FIGN: variants seen among roughly 807,000 people sequenced by gnomAD.
The protein encoded by FIGN is fidgetin.
In FIGN, 11 loss-of-function variants were observed where a neutral mutation model predicts 51.3. The ratio of observed to expected loss-of-function variants is 0.21; its 90% CI spans 0.13 to 0.35. The LOEUF (loss-of-function observed/expected upper bound fraction) is 0.35, where lower values mean the gene tolerates loss of function less well. Among genes scored for constraint, FIGN ranks in the 10% least tolerant of loss-of-function variants. FIGN has a pLI of 1.00. For missense variants in FIGN, 857 were observed against 943.6 expected, an observed-to-expected ratio of 0.91 and a Z score of 1.20; for synonymous variants, 407 against 363.2, an observed-to-expected ratio of 1.12 and a Z score of -1.37.
At chr2:163,627,163 G>C (rs1030790914) in intron 2 of FIGN, among the ~76,000 whole-genome samples, 2 of 152,026 alleles carry the variant, frequency 1.3e-5, no homozygotes, top group Non-Finnish European at 2.9e-5. Flanking sequence ...TAATAAACTT[G>C]CTTCCACTTT....
intron 2 of FIGN, among the ~76,000 whole-genome samples, chr2:163,699,177 A>T (rs1320307232): frequency 6.6e-6 from 1 of 152,202 alleles, no homozygotes; most frequent in Non-Finnish European, 1.5e-5. Context: ...TGTGAGCTTA[A>T]ATTTCACAAA....
chr2:163,733,086 CTACTT>C (rs1684957205), intron 2 of FIGN, among the ~76,000 whole-genome samples: 2 of 152,120 alleles, frequency 1.3e-5, no homozygotes, highest in Non-Finnish European at 2.9e-5. Flanking sequence ...ACACAAGTGT[CTACTT>C]TATATATATG....
At chr2:163,717,041 A>T (rs1559031168) in intron 2 of FIGN, among the ~76,000 whole-genome samples, 1 of 152,118 alleles carries the variant, frequency 6.6e-6, no homozygotes, top group Non-Finnish European at 1.5e-5. Context: ...CCTTAGAACT[A>T]TGTAATAATG....
chr2:163,705,071 T>C (rs1684477470), intron 2 of FIGN, among the ~76,000 whole-genome samples: 1 of 152,192 alleles, frequency 6.6e-6, no homozygotes. Flanking sequence ...ATAACACTTC[T>C]AAATGGATGT....
Position 163,603,465 on chromosome 2 carries a change from G to T in FIGN, c.*6087C>A, listed in dbSNP as rs1466616111. Reference sequence around the variant, plus strand: ...TTTTTTAAATTTCTGTCTCAGACAAGTACTGTTGGCTGACAAGAAATATGG... The same window carrying T: ...TTTTTTAAATTTCTGTCTCAGACAATTACTGTTGGCTGACAAGAAATATGG... On this transcript the variant is annotated 3_prime_UTR_variant, in exon 3 of 3. Transcript: ENST00000333129. The T allele has an allele frequency of 1.3e-5, 2 of 151,972 alleles. No homozygotes were observed. The highest frequency in any genetic ancestry group is 2.4e-5 in the African/African-American group (1 of 41,394). 9.4% of individuals were successfully genotyped at this position (151,972 alleles called of 1,614,324 possible).
chr2:163,623,462 C>T (rs902843478), intron 2 of FIGN, among the ~76,000 whole-genome samples: 3 of 152,114 alleles, frequency 2.0e-5, no homozygotes, highest in South Asian at 2.1e-4. Context: ...TTGGGAAGGT[C>T]TAGGTTTACA....
intron 2 of FIGN, among the ~76,000 whole-genome samples, chr2:163,618,529 C>A (rs1278137285): frequency 2.0e-5 from 3 of 151,828 alleles, no homozygotes; most frequent in Non-Finnish European, 4.4e-5. Flanking sequence ...CTGAGGGTAA[C>A]ATATACCCTG....
At chr2:163,649,822 T>G (rs1018447248) in intron 2 of FIGN, among the ~76,000 whole-genome samples, 3 of 152,226 alleles carry the variant, frequency 2.0e-5, no homozygotes, top group Non-Finnish European at 4.4e-5. Context: ...GATAAAATGT[T>G]AGTAACTGAA....
chr2:163,726,964 A>C (rs1386631532), intron 2 of FIGN, among the ~76,000 whole-genome samples: 3 of 152,090 alleles, frequency 2.0e-5, no homozygotes, highest in Admixed American at 1.3e-4. Flanking sequence ...TTCAATCTTA[A>C]GGGAACCTTT....
At chr2:163,623,797 T>A (rs1170635627) in intron 2 of FIGN, among the ~76,000 whole-genome samples, 1 of 152,152 alleles carries the variant, frequency 6.6e-6, no homozygotes, top group Non-Finnish European at 1.5e-5. Flanking sequence ...GTGCCCTCTG[T>A]TTATTTAGTG....
intron 2 of FIGN, among the ~76,000 whole-genome samples, chr2:163,727,793 C>T (rs1184633183): frequency 6.6e-6 from 1 of 152,128 alleles, no homozygotes; most frequent in African/African-American, 2.4e-5. Flanking sequence ...CTGGACATTC[C>T]ATCATATCTC....
intron 2 of FIGN, among the ~76,000 whole-genome samples, chr2:163,616,211 C>G (rs1573905124): frequency 3.3e-5 from 5 of 152,250 alleles, no homozygotes; most frequent in Admixed American, 3.3e-4. Context: ...TGCTCTTTAA[C>G]TAGTTTCGAA....
chr2:163,672,769 A>G (rs1479746457), intron 2 of FIGN, among the ~76,000 whole-genome samples: 1 of 152,202 alleles, frequency 6.6e-6, no homozygotes, highest in Non-Finnish European at 1.5e-5. Context: ...AGTCATATGT[A>G]TATTTTCTCT....
In FIGN at chr2:163,629,952, C is replaced by CTTTTTTTTTTTTT. The variant is rs71297448; in HGVS notation, c.26-18159_26-18147dup. 7.6e-4 allele frequency among the ~76,000 whole-genome samples: 43 copies of CTTTTTTTTTTTTT among 56,928 alleles called. 4 individuals are homozygous for CTTTTTTTTTTTTT. Among genetic ancestry groups the CTTTTTTTTTTTTT allele is most frequent in the African/African-American group, 3.2e-3 (43 of 13,352 alleles). The allele number at this position is 56,928 out of a possible 152,430, so 37.3% of individuals were successfully genotyped here. A position where few individuals can be genotyped will look rare whatever the true frequency, so the allele number is the denominator to read the frequency against. On this transcript the variant is annotated intron_variant, in intron 2 of 2. Transcript: ENST00000333129. ...CCAACATAGGGTGAAGAAAGGGGCA[C>CTTTTTTTTTTTTT]TTTTTTTTTTTTTTTTTTTTTTTTT...
chr2:163,645,487 A>G (rs1038095778), intron 2 of FIGN, among the ~76,000 whole-genome samples: 2 of 152,198 alleles, frequency 1.3e-5, no homozygotes, highest in African/African-American at 4.8e-5. Flanking sequence ...AGTAAATTAG[A>G]TAGGGAGAAA....
chr2:163,647,387 TCAAAGC>T (rs1683398776), intron 2 of FIGN, among the ~76,000 whole-genome samples: 1 of 152,170 alleles, frequency 6.6e-6, no homozygotes, highest in African/African-American at 2.4e-5. Flanking sequence ...TCTAATGGCA[TCAAAGC>T]ACCAAAGAAC....
chr2:163,646,955 C>T (rs1167629485), intron 2 of FIGN, among the ~76,000 whole-genome samples: 1 of 152,178 alleles, frequency 6.6e-6, no homozygotes, highest in African/African-American at 2.4e-5. Context: ...TAAACACTGC[C>T]ACAGTTACGG....
rs1558994598 is a variant in FIGN, at chr2:163,611,027, G to A, written c.805C>T (p.Pro269Ser). The A allele has an allele frequency of 6.2e-7, 1 of 1,613,858 alleles. No individual in the cohort carries two copies. The highest frequency in any genetic ancestry group is 1.6e-4 in the Middle Eastern group (1 of 6,062). ...GAAGGCAGGTACGCTGAAGGCGGAG[G>A]CGGTGCCCCCCCAGGGCTGTACCCA... ...GSGYSPGGAP[P>S]PPSAYLPSGI... is the part of the protein sequence containing the mutation. Residue 269 changes from proline to serine, a missense_variant, in exon 3 of 3, where the codon CCT becomes TCT. This residue lies in a region of FIGN where 799 missense variants were observed against 849.5 expected (regional missense o/e 0.94). Transcript: ENST00000333129.
At chr2:163,721,368 T>C (rs1045684477) in intron 2 of FIGN, among the ~76,000 whole-genome samples, 4 of 152,154 alleles carry the variant, frequency 2.6e-5, no homozygotes, top group Non-Finnish European at 4.4e-5. Context: ...TTTTAACAAT[T>C]TTAACTCACT....
Sources: allele counts gnomAD v4.1 joint callset (sites outside exome capture counted in the v4.1 genomes callset), GRCh38; gene constraint gnomAD v4.1.1; regional missense constraint gnomAD v4.1.1; transcripts MANE v1.5; gene names NCBI Gene and HGNC (gene_info 2026-07-23, HGNC 2026-07-21).